Variants in RBPMS observed in about 807,000 individuals in gnomAD.
RBPMS encodes RNA binding protein, mRNA processing factor, also known as RNA-binding protein with multiple splicing.
A neutral mutation model predicts 26.8 loss-of-function variants in RBPMS; 7 were observed. That is an observed-to-expected ratio of 0.26 (90% CI 0.15 to 0.49). RBPMS has a LOEUF of 0.49. RBPMS is among the 20% of genes least tolerant of loss of function. The probability of loss-of-function intolerance (pLI) is 0.98; values close to 1 mark genes in which losing one functional copy is unlikely to be tolerated. For synonymous variants in RBPMS, 96 were observed against 93.3 expected, an observed-to-expected ratio of 1.03 and a Z score of -0.17; for missense variants, 186 against 250.0, an observed-to-expected ratio of 0.74 and a Z score of 1.73.
At chr8:30,493,706 A>G (rs1250650920) in intron 4 of RBPMS, among the ~76,000 whole-genome samples, 2 of 152,142 alleles carry the variant, frequency 1.3e-5, no homozygotes, top group Non-Finnish European at 2.9e-5. Context: ...GCCCTTTCCT[A>G]TCATTGTCAG....
intron 1 of RBPMS, among the ~76,000 whole-genome samples, chr8:30,438,153 A>G (rs1812679918): frequency 1.3e-5 from 2 of 152,152 alleles, no homozygotes; most frequent in Admixed American, 1.3e-4. Context: ...ATACAGTCTC[A>G]TGCCTGTAAT....
At chr8:30,461,830 A>G (rs1815946279) in intron 1 of RBPMS, among the ~76,000 whole-genome samples, 1 of 152,164 alleles carries the variant, frequency 6.6e-6, no homozygotes, top group African/African-American at 2.4e-5. Flanking sequence ...TGTTTCTGTG[A>G]AGTTTTATTA....
chr8:30,480,399 A>C (rs1818153206), intron 4 of RBPMS, among the ~76,000 whole-genome samples: 1 of 152,212 alleles, frequency 6.6e-6, no homozygotes, highest in Non-Finnish European at 1.5e-5. Flanking sequence ...TAGAGGTCTA[A>C]GGAAAAGTCT....
At chr8:30,496,936 C>T (rs7822839) in intron 4 of RBPMS, among the ~76,000 whole-genome samples, 30,332 of 152,084 alleles carry the variant, frequency 0.2, 3,319 homozygotes, top group South Asian at 0.39. Context: ...TATACCTTGC[C>T]TAGTTTCTGT....
At chr8:30,455,066 G>T (rs11991418) in intron 1 of RBPMS, among the ~76,000 whole-genome samples, 1 of 152,132 alleles carries the variant, frequency 6.6e-6, no homozygotes, top group Non-Finnish European at 1.5e-5. Flanking sequence ...CAAGTGATCC[G>T]CCTGCCTTGG....
intron 6 of RBPMS, chr8:30,547,229 A>T: frequency 9.2e-7 from 1 of 1,084,504 alleles, no homozygotes; most frequent in Non-Finnish European, 1.4e-6. Flanking sequence ...GGCTTTAAAT[A>T]ATTTTGTTTT....
At position 30,424,583 on chromosome 8, in the gene RBPMS, G is replaced by A. The variant is rs139594814; in HGVS notation, c.66+39425G>A. On this transcript the variant is annotated intron_variant, in intron 1 of 8. Coordinates refer to ENST00000397323, the MANE Select transcript of RBPMS (RefSeq NM_001008710.3). ...CTCTGCTCCGTTTGGCTGGCTAGGT[G>A]ATCTTTAACCTCTCTAGATCTTAAT... 4.9e-3 allele frequency among the ~76,000 whole-genome samples: 752 copies of A among 152,274 alleles called. 3 individuals carry two copies. Among genetic ancestry groups the A allele is most frequent in the Non-Finnish European group, 7.1e-3 (480 of 68,030 alleles).
intron 5 of RBPMS, among the ~76,000 whole-genome samples, chr8:30,507,738 A>C (rs1349145522): frequency 6.6e-6 from 1 of 152,200 alleles, no homozygotes; most frequent in African/African-American, 2.4e-5. Flanking sequence ...GTTGTACAGG[A>C]ATGTAGTATT....
chr8:30,560,461 TCTCTGATGGCAGGGATAGGA>T (rs1403293846), intron 7 of RBPMS, among the ~76,000 whole-genome samples: 2 of 152,286 alleles, frequency 1.3e-5, no homozygotes, highest in Admixed American at 1.3e-4. Context: ...CACAGCTCTT[TCTCTGATGGCAGGGATAGGA>T]AAGTTGAGAG....
chr8:30,467,257 G>T (rs1437116478), intron 1 of RBPMS, among the ~76,000 whole-genome samples: 1 of 152,160 alleles, frequency 6.6e-6, no homozygotes, highest in Non-Finnish European at 1.5e-5. Flanking sequence ...TCCTCAGCAG[G>T]GTTCAGTCTT....
At chr8:30,440,973 C>A (rs909410037) in intron 1 of RBPMS, among the ~76,000 whole-genome samples, 2 of 151,426 alleles carry the variant, frequency 1.3e-5, no homozygotes, top group African/African-American at 4.9e-5. Context: ...GCCCCGCCCC[C>A]CTCCAGCTAG....
intron 1 of RBPMS, among the ~76,000 whole-genome samples, chr8:30,389,558 T>A (rs1469008356): frequency 6.6e-6 from 1 of 152,196 alleles, no homozygotes; most frequent in Non-Finnish European, 1.5e-5. Context: ...TATCAAAATG[T>A]GTTCAGGCCC....
chr8:30,538,701 A>G (rs112862551), intron 5 of RBPMS, among the ~76,000 whole-genome samples: 1,610 of 152,314 alleles, frequency 0.011, 17 homozygotes, highest in African/African-American at 0.033. Flanking sequence ...AGTGGCTTCA[A>G]TGGACAGAAA....
intron 8 of RBPMS, among the ~76,000 whole-genome samples, chr8:30,569,730 G>A (rs924987652): frequency 6.6e-6 from 1 of 152,186 alleles, no homozygotes; most frequent in African/African-American, 2.4e-5. Flanking sequence ...AGGAGCAGAT[G>A]AGCCAAGAGG....
At chr8:30,512,612 A>T (rs887454384) in intron 5 of RBPMS, among the ~76,000 whole-genome samples, 2 of 152,128 alleles carry the variant, frequency 1.3e-5, no homozygotes, top group Non-Finnish European at 2.9e-5. Context: ...CTCCTGCCTC[A>T]GCCTCCTGGC....
At chr8:30,432,422 A>G (rs1446167407) in intron 1 of RBPMS, among the ~76,000 whole-genome samples, 3 of 152,190 alleles carry the variant, frequency 2.0e-5, no homozygotes, top group African/African-American at 7.2e-5. Context: ...ACACAGAACC[A>G]TGACCATAGA....
intron 6 of RBPMS, chr8:30,547,619 C>A: frequency 1.4e-6 from 1 of 711,820 alleles, no homozygotes; most frequent in Non-Finnish European, 2.1e-6. Flanking sequence ...CCTGTGACAC[C>A]AAGTCTATTT....
chr8:30,390,092 T>C (rs1807612774), intron 1 of RBPMS, among the ~76,000 whole-genome samples: 1 of 152,232 alleles, frequency 6.6e-6, no homozygotes, highest in South Asian at 2.1e-4. Context: ...AAACCAAACA[T>C]TAATTGTATC....
chr8:30,569,512 G>A lies in RBPMS; in HGVS notation c.*112-1125G>A, dbSNP rs910419207. 2.6e-5 allele frequency among the ~76,000 whole-genome samples: 4 copies of A among 152,152 alleles called. No individual in the cohort carries two copies. The South Asian group carries it at 6.2e-4, about 24-fold the overall frequency. On this transcript the variant is annotated intron_variant, in intron 8 of 8. Transcript: ENST00000397323. The stretch of plus-strand genomic sequence containing the variant: ...GAAGAGAGGAAGTAAGAACAGGCAC[G>A]GCACGCTCTGCTGAAAGTAGACTGC...
Sources: allele counts gnomAD v4.1 joint callset (sites outside exome capture counted in the v4.1 genomes callset), GRCh38; gene constraint gnomAD v4.1.1; transcripts MANE v1.5; gene names NCBI Gene and HGNC (gene_info 2026-07-23, HGNC 2026-07-21).